PDE3B: variants seen among roughly 807,000 people sequenced by gnomAD.
The protein encoded by PDE3B is phosphodiesterase 3B, also known as cGMP-inhibited 3',5'-cyclic phosphodiesterase 3B.
Under a neutral mutation model 116.8 loss-of-function variants are expected in PDE3B, and 66 were observed. The observed-to-expected ratio is 0.56, with a 90% CI of 0.46 to 0.69. The LOEUF (loss-of-function observed/expected upper bound fraction) is 0.69. Ranked by LOEUF, PDE3B falls within the 30% of genes least tolerant of loss-of-function variation. The probability of loss-of-function intolerance (pLI) is 0.00; values close to 1 mark genes in which losing one functional copy is unlikely to be tolerated. For missense variants in PDE3B, 1,384 were observed against 1,368.1 expected (o/e 1.01, Z -0.18); for synonymous variants, 595 against 533.6 (o/e 1.12, Z -1.59).
chr11:14,791,237 A>G (rs1858378484), intron 4 of PDE3B, among the ~76,000 whole-genome samples: 1 of 152,060 alleles, frequency 6.6e-6, no homozygotes, highest in Non-Finnish European at 1.5e-5. Context: ...TCTTGACTTT[A>G]TATTATAGTA....
the PDE3B span, chr11:14,880,266 G>A: frequency 2.5e-6 from 4 of 1,613,116 alleles, no homozygotes; most frequent in Non-Finnish European, 3.4e-6. Context: ...TAGATGATGG[G>A]TCATTTTTAC....
the PDE3B span, among the ~76,000 whole-genome samples, chr11:14,894,607 T>A: frequency 6.6e-6 from 1 of 152,198 alleles, no homozygotes; most frequent in Non-Finnish European, 1.5e-5. Context: ...GAGAGCTGAG[T>A]TACCCCGAGG....
At chr11:14,726,908 G>A (rs907696839) in intron 1 of PDE3B, among the ~76,000 whole-genome samples, 3 of 152,208 alleles carry the variant, frequency 2.0e-5, no homozygotes, top group Admixed American at 1.3e-4. Context: ...ATCATTGAAC[G>A]GAGGAAATGT....
intron 1 of PDE3B, among the ~76,000 whole-genome samples, chr11:14,671,082 A>G (rs1590049603): frequency 6.6e-6 from 1 of 152,302 alleles, no homozygotes; most frequent in Non-Finnish European, 1.5e-5. Context: ...ACAGTGAACA[A>G]GACACATCAG....
chr11:14,726,021 C>T lies in PDE3B; in HGVS notation c.979-45916C>T, dbSNP rs141519280. On this transcript the variant is annotated intron_variant, in intron 1 of 15. Coordinates refer to ENST00000282096, the MANE Select transcript of PDE3B (RefSeq NM_000922.4). ...ACTTCAGCTTCACTGGCCAAGACTC[C>T]GCTATTCCTTGAAGATATCAGTATT... Among the ~76,000 whole-genome samples the T allele has an allele frequency of 3.0e-4, 46 of 152,220 alleles. No individual in the cohort carries two copies. The East Asian group carries it at 4.3e-3, about 14-fold the overall frequency.
At chr11:14,720,911 A>G (rs1856050448) in intron 1 of PDE3B, among the ~76,000 whole-genome samples, 1 of 105,376 alleles carries the variant, frequency 9.5e-6, no homozygotes, top group Non-Finnish European at 1.9e-5. Context: ...AACAAAAGCC[A>G]AAATTGACAA....
intron 7 of PDE3B, among the ~76,000 whole-genome samples, chr11:14,824,971 A>G (rs898806480): frequency 6.6e-6 from 1 of 151,818 alleles, no homozygotes; most frequent in Admixed American, 6.6e-5. Context: ...CTGGGCTCCT[A>G]TATTCAACAT....
rs540392482 is a variant in PDE3B at position 14,860,119 on chromosome 11, G to A, written c.2724+873G>A. 2.6e-5 allele frequency among the ~76,000 whole-genome samples: 4 copies of A among 152,134 alleles called. No individual in the cohort carries two copies. The East Asian group carries it at 7.7e-4, about 29-fold the overall frequency. Reference sequence around the variant, plus strand: ...TTATAAAAATCAGTGAGAAGTAAGGGTACCTTTAAAATTATTTCATAGTTG... The same window carrying A: ...TTATAAAAATCAGTGAGAAGTAAGGATACCTTTAAAATTATTTCATAGTTG... On this transcript the variant is annotated intron_variant, in intron 13 of 15. Transcript: ENST00000282096.
chr11:14,828,584 G>A (rs1360584116), intron 7 of PDE3B, among the ~76,000 whole-genome samples: 3 of 152,182 alleles, frequency 2.0e-5, no homozygotes, highest in African/African-American at 4.8e-5. Context: ...GATCATTAGC[G>A]AAATGCAAGT....
chr11:14,660,881 A>G (rs1331952311), intron 1 of PDE3B, among the ~76,000 whole-genome samples: 1 of 152,206 alleles, frequency 6.6e-6, no homozygotes, highest in African/African-American at 2.4e-5. Flanking sequence ...ACACTTCTCA[A>G]AAGAAGACAT....
chr11:14,884,343 A>C, the PDE3B span, among the ~76,000 whole-genome samples: 4 of 152,010 alleles, frequency 2.6e-5, no homozygotes, highest in African/African-American at 4.8e-5. Context: ...ATGGAATACT[A>C]TGCAGCCATA....
chr11:14,649,164 C>A (rs1047801957), intron 1 of PDE3B, among the ~76,000 whole-genome samples: 2 of 152,124 alleles, frequency 1.3e-5, no homozygotes, highest in African/African-American at 4.8e-5. Flanking sequence ...ACTCTGTCCT[C>A]CTCAGTGGCA....
In PDE3B at chr11:14,644,972, G is replaced by A. The variant is rs749167599; in HGVS notation, c.897G>A (p.Ser299=). The change falls in exon 1 of 16, where the codon TCG becomes TCA. Residue 299 remains serine, a synonymous_variant. Coordinates refer to ENST00000282096, the MANE Select transcript of PDE3B (RefSeq NM_000922.4). ...IRPRRRSSCV[S]LGETAASYYG... is the part of the protein sequence containing the mutation. ...CCCGGAGGAGGTCCAGCTGCGTGTC[G>A]TTAGGAGAAACTGCAGCCAGTTACT... 11 of 1,613,974 alleles carry A rather than the reference G, an allele frequency of 6.8e-6. No individual in the cohort carries two copies. Among genetic ancestry groups the A allele is most frequent in the Non-Finnish European group, 9.3e-6 (11 of 1,179,990 alleles).
intron 4 of PDE3B, among the ~76,000 whole-genome samples, chr11:14,795,410 G>A (rs1858523062): frequency 6.6e-6 from 1 of 152,150 alleles, no homozygotes. Flanking sequence ...GTAGTCATTG[G>A]AACTACTCGT....
chr11:14,816,164 T>G (rs1859325881), intron 5 of PDE3B, among the ~76,000 whole-genome samples: 2 of 152,226 alleles, frequency 1.3e-5, no homozygotes. Flanking sequence ...CATAAGGCCC[T>G]AAGCTAATTG....
intron 12 of PDE3B, among the ~76,000 whole-genome samples, chr11:14,846,986 G>A (rs374837975): frequency 2.3e-4 from 35 of 152,108 alleles, no homozygotes; most frequent in Non-Finnish European, 3.4e-4. Context: ...TGCACCAAGC[G>A]GACCTAATAG....
intron 1 of PDE3B, among the ~76,000 whole-genome samples, chr11:14,740,424 A>G (rs1856734606): frequency 6.6e-6 from 1 of 152,106 alleles, no homozygotes; most frequent in Non-Finnish European, 1.5e-5. Flanking sequence ...GGTAGTTTGT[A>G]TTTCCATGGG....
At chr11:14,736,414 A>G (rs917107648) in intron 1 of PDE3B, among the ~76,000 whole-genome samples, 1 of 152,208 alleles carries the variant, frequency 6.6e-6, no homozygotes, top group Non-Finnish European at 1.5e-5. Context: ...AACACAAAGA[A>G]AAGAAAACCT....
At chr11:14,722,484 C>G (rs547790677) in intron 1 of PDE3B, among the ~76,000 whole-genome samples, 113 of 152,144 alleles carry the variant, frequency 7.4e-4, no homozygotes, top group Middle Eastern at 3.4e-3. Context: ...AAAGACGAAA[C>G]AAGGAGAAAT....
Sources: gnomAD v4.1 joint callset for allele counts (sites outside exome capture counted in the v4.1 genomes callset) on GRCh38, gnomAD v4.1.1 for gene constraint, MANE v1.5 for transcripts, NCBI Gene and HGNC (gene_info 2026-07-23, HGNC 2026-07-21) for gene names.